The following XKR4 variants were observed in gnomAD, a reference collection of about 807,000 sequenced individuals.
XKR4 encodes the protein XK-related protein 4.
A neutral mutation model predicts 53.9 loss-of-function variants in XKR4; 12 were observed. That is an observed-to-expected ratio of 0.22 (90% confidence interval 0.14 to 0.36). The LOEUF (loss-of-function observed/expected upper bound fraction) is 0.36. Among genes scored for constraint, XKR4 ranks in the 10% least tolerant of loss-of-function variants. The pLI is 1.00. For synonymous variants in XKR4, 354 were observed against 362.4 expected (o/e 0.98, Z 0.26); for missense variants, 799 against 859.5 (o/e 0.93, Z 0.88).
intron 1 of XKR4, among the ~76,000 whole-genome samples, chr8:55,289,864 G>GA (rs1348718338): frequency 6.1e-5 from 1 of 16,458 alleles, no homozygotes; most frequent in African/African-American, 7.4e-5. Context: ...AAGAAAGAAA[G>GA]AAAGAAAGAA....
chr8:55,412,005 T>C (rs563507965), intron 2 of XKR4, among the ~76,000 whole-genome samples: 5 of 152,368 alleles, frequency 3.3e-5, no homozygotes, highest in Non-Finnish European at 4.4e-5. Flanking sequence ...GGAAACATTA[T>C]GCCACTTTTT....
At chr8:55,365,190 G>T (rs1038305217) in intron 2 of XKR4, among the ~76,000 whole-genome samples, 1 of 152,314 alleles carries the variant, frequency 6.6e-6, no homozygotes, top group East Asian at 1.9e-4. Flanking sequence ...GCATGAGGCT[G>T]CAGCCGGCTC....
chr8:55,361,664 C>T (rs1803911339), intron 2 of XKR4, among the ~76,000 whole-genome samples: 2 of 151,968 alleles, frequency 1.3e-5, no homozygotes, highest in Non-Finnish European at 2.9e-5. Flanking sequence ...TTCAGTGTTC[C>T]CCTTGGCACT....
intron 2 of XKR4, among the ~76,000 whole-genome samples, chr8:55,398,297 C>T (rs965096682): frequency 6.6e-6 from 1 of 152,170 alleles, no homozygotes; most frequent in African/African-American, 2.4e-5. Context: ...CACCAAGCAC[C>T]CTCGCCATGC....
intron 2 of XKR4, among the ~76,000 whole-genome samples, chr8:55,485,111 T>A (rs570650656): frequency 6.6e-6 from 1 of 152,326 alleles, no homozygotes; most frequent in African/African-American, 2.4e-5. Flanking sequence ...GAGGAGAACA[T>A]CCTCAACTTG....
intron 2 of XKR4, among the ~76,000 whole-genome samples, chr8:55,500,482 A>G (rs1000025709): frequency 2.0e-5 from 3 of 152,242 alleles, no homozygotes; most frequent in African/African-American, 7.2e-5. Context: ...CATGTTAGAC[A>G]TACAGCTAAA....
At chr8:55,204,989 A>G (rs2129362745) in intron 1 of XKR4, among the ~76,000 whole-genome samples, 1 of 152,314 alleles carries the variant, frequency 6.6e-6, no homozygotes, top group Admixed American at 6.5e-5. Context: ...GACTCAGATC[A>G]TGTGTCAGGC....
intron 1 of XKR4, among the ~76,000 whole-genome samples, chr8:55,238,156 C>G (rs528737038): frequency 6.6e-6 from 1 of 152,314 alleles, no homozygotes; most frequent in South Asian, 2.1e-4. Context: ...CTCTCTCTCT[C>G]TCTCTCATAA....
In XKR4 at chr8:55,112,575, T is replaced by TTTTTTTG. The variant is rs1554560081; in HGVS notation, c.806+9287_806+9288insGTTTTTT. 6.5e-5 allele frequency among the ~76,000 whole-genome samples: 9 copies of TTTTTTTG among 139,362 alleles called. 1 individual carries two copies. In the East Asian group the frequency reaches 1.9e-3, roughly 29 times the overall value. The allele number at this position is 139,362 out of a possible 152,430, so 91.4% of individuals were successfully genotyped here. ...TTTACTTTTCAGGTTTTTTTTTTTT[T>TTTTTTTG]TTTTTTTTTTTTTAGGGAGCAGAGA... On this transcript the variant is annotated intron_variant, in intron 1 of 2. Transcript: ENST00000327381.
intron 2 of XKR4, among the ~76,000 whole-genome samples, chr8:55,511,607 T>A (rs1371205835): frequency 6.6e-6 from 1 of 152,246 alleles, no homozygotes; most frequent in Non-Finnish European, 1.5e-5. Context: ...AAAACCTGCT[T>A]CTGTCTCAGA....
At chr8:55,155,412 T>C (rs186855032) in intron 1 of XKR4, among the ~76,000 whole-genome samples, 11 of 151,956 alleles carry the variant, frequency 7.2e-5, no homozygotes, top group Non-Finnish European at 1.5e-5. Flanking sequence ...AGAAATAACA[T>C]AATATGGGAG....
intron 2 of XKR4, among the ~76,000 whole-genome samples, chr8:55,435,536 A>C (rs1241552526): frequency 1.3e-5 from 2 of 151,130 alleles, no homozygotes; most frequent in Non-Finnish European, 2.9e-5. Flanking sequence ...CTACAGCTAG[A>C]CCTAATAGGC....
intron 1 of XKR4, among the ~76,000 whole-genome samples, chr8:55,162,356 T>G (rs1314649266): frequency 2.6e-5 from 4 of 152,208 alleles, no homozygotes; most frequent in African/African-American, 9.7e-5. Flanking sequence ...ATAAGTGAGT[T>G]AATGGTGAAG....
chr8:55,242,197 A>G (rs752768110), intron 1 of XKR4, among the ~76,000 whole-genome samples: 5 of 152,168 alleles, frequency 3.3e-5, no homozygotes, highest in African/African-American at 4.8e-5. Flanking sequence ...TAAGGTTTCA[A>G]AAGCTTTGTT....
At chr8:55,159,948 A>G (rs1816962167) in intron 1 of XKR4, among the ~76,000 whole-genome samples, 1 of 152,202 alleles carries the variant, frequency 6.6e-6, no homozygotes, top group Admixed American at 6.5e-5. Flanking sequence ...ACTTCTTGTC[A>G]TGAGATTATT....
intron 2 of XKR4, among the ~76,000 whole-genome samples, chr8:55,402,533 A>T (rs1452348564): frequency 1.5e-4 from 23 of 152,230 alleles, no homozygotes; most frequent in Non-Finnish European, 5.9e-5. Flanking sequence ...GGGAGGCCAC[A>T]TGCACATCCT....
chr8:55,152,571 T>C (rs1459585238), intron 1 of XKR4, among the ~76,000 whole-genome samples: 5 of 152,226 alleles, frequency 3.3e-5, no homozygotes, highest in African/African-American at 1.2e-4. Flanking sequence ...TACTTTTTAA[T>C]TGATTCTTTC....
intron 2 of XKR4, chr8:55,450,872 C>T (rs1805428710): frequency 4.3e-6 from 2 of 470,064 alleles, no homozygotes; most frequent in East Asian, 5.3e-5. Flanking sequence ...TCCAGGAGCT[C>T]CCCCCTCCCA....
chr8:55,482,224 T>G (rs1160558446), intron 2 of XKR4, among the ~76,000 whole-genome samples: 5 of 152,062 alleles, frequency 3.3e-5, no homozygotes, highest in African/African-American at 9.6e-5. Context: ...CCATAAAAAA[T>G]GATGAGTTCA....
Sources: allele counts gnomAD v4.1 joint callset (sites outside exome capture counted in the v4.1 genomes callset), GRCh38; gene constraint gnomAD v4.1.1; transcripts MANE v1.5; gene names NCBI Gene and HGNC (gene_info 2026-07-23, HGNC 2026-07-21).